Variants in LINGO2 observed in about 807,000 individuals in gnomAD.
LINGO2 encodes leucine-rich repeat and immunoglobulin-like domain-containing nogo receptor-interacting protein 2.
In LINGO2, 14 loss-of-function variants were observed where a neutral mutation model predicts 30.6. That is an observed-to-expected ratio of 0.46 (90% CI 0.30 to 0.72). LINGO2 has a LOEUF of 0.72. Among genes scored for constraint, LINGO2 ranks in the 30% least tolerant of loss-of-function variants. The pLI, the probability that LINGO2 is intolerant of heterozygous loss-of-function variation, is 0.07. For missense variants in LINGO2, 729 were observed against 751.7 expected (o/e 0.97, Z 0.35); for synonymous variants, 317 against 288.5 (o/e 1.10, Z -1.00).
the LINGO2 span, among the ~76,000 whole-genome samples, chr9:29,003,147 CAG>C: frequency 6.6e-6 from 1 of 152,112 alleles, no homozygotes; most frequent in South Asian, 2.1e-4. Flanking sequence ...CTAGAGCCTT[CAG>C]AGAGAGCCTG....
intron 1 of LINGO2, among the ~76,000 whole-genome samples, chr9:28,647,577 A>T (rs1268114223): frequency 6.6e-6 from 1 of 152,086 alleles, no homozygotes; most frequent in Non-Finnish European, 1.5e-5. Context: ...ATACTTTTAT[A>T]TACTTATTAA....
chr9:28,420,891 A>T (rs1823167339), intron 2 of LINGO2, among the ~76,000 whole-genome samples: 1 of 152,068 alleles, frequency 6.6e-6, no homozygotes, highest in Admixed American at 6.6e-5. Context: ...TTTTCCCATC[A>T]GGCATGTAAA....
At chr9:29,146,369 A>T in the LINGO2 span, among the ~76,000 whole-genome samples, 1 of 140,776 alleles carries the variant, frequency 7.1e-6, no homozygotes, top group East Asian at 2.4e-4. Context: ...AACAAAACAA[A>T]CAAACAAAAA....
the LINGO2 span, among the ~76,000 whole-genome samples, chr9:28,854,571 T>C: frequency 1.9e-3 from 288 of 152,036 alleles, 1 homozygote; most frequent in African/African-American, 6.8e-3. Context: ...AATGGGTAGG[T>C]AGTATCCCTT....
chr9:28,494,852 T>TATTTCTCC (rs1258763246), intron 1 of LINGO2, among the ~76,000 whole-genome samples: 1 of 152,214 alleles, frequency 6.6e-6, no homozygotes, highest in Non-Finnish European at 1.5e-5. Flanking sequence ...AAAGTGTTCC[T>TATTTCTCC]ATTTCTCCAC....
chr9:28,097,775 T>C (rs2133296824), intron 4 of LINGO2, among the ~76,000 whole-genome samples: 1 of 151,670 alleles, frequency 6.6e-6, no homozygotes, highest in South Asian at 2.1e-4. Flanking sequence ...GCATGGCACA[T>C]GTATACATAT....
At chr9:28,186,864 G>T (rs548800002) in intron 4 of LINGO2, among the ~76,000 whole-genome samples, 1 of 152,226 alleles carries the variant, frequency 6.6e-6, no homozygotes, top group East Asian at 1.9e-4. Flanking sequence ...TATGATCAGA[G>T]AAATAACTGG....
chr9:28,858,357 T>A, the LINGO2 span, among the ~76,000 whole-genome samples: 1 of 152,070 alleles, frequency 6.6e-6, no homozygotes, highest in African/African-American at 2.4e-5. Flanking sequence ...TGCAATCCCA[T>A]CACCCTGGAA....
exon 6 of LINGO2, chr9:27,949,685 A>G: frequency 6.2e-7 from 1 of 1,614,136 alleles, no homozygotes; most frequent in Non-Finnish European, 8.5e-7. Context: ...GCAGGTTCTG[A>G]GACACATTGA....
Position 28,539,372 on chromosome 9 carries a change from G to T in LINGO2, c.-364-63347C>A, listed in dbSNP as rs1056816840. On this transcript the variant is annotated intron_variant, in intron 1 of 5. Transcript: ENST00000379992. Reference sequence around the variant, plus strand: ...AGTGAATGTTTAATAAGTACTAAAAGAAAACATTAGCAGTGAGTTAATACA... The same window carrying T: ...AGTGAATGTTTAATAAGTACTAAAATAAAACATTAGCAGTGAGTTAATACA... 4.6e-5 allele frequency among the ~76,000 whole-genome samples: 7 copies of T among 151,946 alleles called. No homozygotes were observed. The South Asian group carries it at 6.2e-4, about 14-fold the overall frequency.
intron 1 of LINGO2, among the ~76,000 whole-genome samples, chr9:28,506,884 T>G (rs896312657): frequency 1.4e-4 from 21 of 151,988 alleles, no homozygotes; most frequent in Admixed American, 1.3e-3. Flanking sequence ...TTAAATCATC[T>G]TCTCTACAGC....
chr9:28,627,388 T>C (rs1478913466), intron 1 of LINGO2, among the ~76,000 whole-genome samples: 1 of 152,040 alleles, frequency 6.6e-6, no homozygotes, highest in African/African-American at 2.4e-5. Context: ...GGGACCCCTA[T>C]GTAGATTTTG....
the LINGO2 span, among the ~76,000 whole-genome samples, chr9:28,817,845 T>C: frequency 5.3e-5 from 8 of 152,224 alleles, no homozygotes; most frequent in Non-Finnish European, 1.0e-4. Flanking sequence ...TTTGGATTTC[T>C]GTTTTTTTGG....
chr9:28,314,711 G>A (rs10968496), intron 3 of LINGO2, among the ~76,000 whole-genome samples: 15,414 of 152,168 alleles, frequency 0.1, 1,012 homozygotes, highest in Middle Eastern at 0.25. Flanking sequence ...GAGGCCGGGC[G>A]CGGTGGCTCA....
At chr9:27,988,768 A>G (rs900375495) in intron 5 of LINGO2, among the ~76,000 whole-genome samples, 3 of 151,236 alleles carry the variant, frequency 2.0e-5, no homozygotes, top group Admixed American at 1.3e-4. Flanking sequence ...TTCTTTCTCT[A>G]CTCTTCCTAT....
At chr9:28,427,002 C>T (rs1021561928) in intron 2 of LINGO2, among the ~76,000 whole-genome samples, 7 of 151,988 alleles carry the variant, frequency 4.6e-5, no homozygotes, top group African/African-American at 9.7e-5. Flanking sequence ...ATACCATAAA[C>T]GAAGTCTGGC....
intron 3 of LINGO2, among the ~76,000 whole-genome samples, chr9:28,356,487 G>C (rs1303800760): frequency 1.3e-5 from 2 of 152,076 alleles, no homozygotes; most frequent in South Asian, 2.1e-4. Flanking sequence ...TAGCAGCAAG[G>C]CACAAACTCC....
chr9:29,001,326 T>C, the LINGO2 span, among the ~76,000 whole-genome samples: 2 of 152,032 alleles, frequency 1.3e-5, no homozygotes. Flanking sequence ...AAACACACTA[T>C]AATACAATTT....
chr9:28,298,964 G>C (rs572901172), intron 3 of LINGO2, among the ~76,000 whole-genome samples: 1 of 152,168 alleles, frequency 6.6e-6, no homozygotes, highest in Non-Finnish European at 1.5e-5. Flanking sequence ...TTGAATTTTG[G>C]TATTCTTTGT....
Sources: allele counts gnomAD v4.1 joint callset (sites outside exome capture counted in the v4.1 genomes callset), GRCh38; gene constraint gnomAD v4.1.1; transcripts MANE v1.5; gene names NCBI Gene and HGNC (gene_info 2026-07-23, HGNC 2026-07-21).